The following SZT2 variants were observed in gnomAD, a reference collection of about 807,000 sequenced individuals.
The protein encoded by SZT2 is SZT2 subunit of KICSTOR complex.
Under a neutral mutation model 404.2 loss-of-function variants are expected in SZT2, and 216 were observed. That is an observed-to-expected ratio of 0.53 (90% confidence interval 0.48 to 0.60). The LOEUF is 0.60. Ranked by LOEUF, SZT2 falls within the 20% of genes least tolerant of loss-of-function variation. The pLI is 0.00. For missense variants in SZT2, 3,857 were observed against 4,459.2 expected (o/e 0.86, Z 3.85); for synonymous variants, 1,693 against 1,749.9 (o/e 0.97, Z 0.81).
At chr1:43,390,028 G>A in intron 1 of SZT2, 33 bp downstream of exon 1, 3 of 1,378,304 alleles carry the variant, frequency 2.2e-6, no homozygotes, top group Non-Finnish European at 2.8e-6. Context: ...ACTGGGCCCC[G>A]AGATCCGAGG....
intron 46 of SZT2, 65 bp from the exon 47 acceptor site, chr1:43,438,634 G>A: frequency 6.8e-7 from 1 of 1,471,748 alleles, no homozygotes; most frequent in Non-Finnish European, 9.4e-7. Context: ...GGCATGATAG[G>A]GCTGCTATGG....
At chr1:43,434,606 C>G in intron 41 of SZT2, 121 bp downstream of exon 41, 1 of 907,058 alleles carries the variant, frequency 1.1e-6, no homozygotes, top group Non-Finnish European at 1.7e-6. Flanking sequence ...AAGTTTTTGA[C>G]TTCCCCAGTT....
chr1:43,438,870 AGGACAGTCTAGGCT>A, intron 47 of SZT2, 45 bp from the exon 48 acceptor site: 1 of 1,612,636 alleles, frequency 6.2e-7, no homozygotes, highest in Non-Finnish European at 8.5e-7. Context: ...CACAGGTTCC[AGGACAGTCTAGGCT>A]GGAACTTCTG....
At position 43,442,746 on chromosome 1, in the gene SZT2, G is replaced by A. The variant is rs1353040133; in HGVS notation, c.8152-73G>A. 1.2e-5 allele frequency: 19 copies of A among 1,537,726 alleles called. No homozygotes were observed. The East Asian group carries it at 2.3e-4, about 18-fold the overall frequency. On this transcript the variant is annotated intron_variant, in intron 58 of 71. Coordinates refer to ENST00000634258, the MANE Select transcript of SZT2 (RefSeq NM_001365999.1). The surrounding 1 kb of genome is among the most constrained non-coding windows in gnomAD (Gnocchi z 4.5). The stretch of plus-strand genomic sequence containing the variant: ...GGTAGTGGGGAGGGAGAGTCTGAGA[G>A]AGGAAGCCCTGGGATGAGAGAGAGG...
chr1:43,428,423 TCAG>T lies in SZT2; in HGVS notation c.4112_4114del (p.Ser1371del). 6.8e-6 allele frequency: 11 copies of T among 1,614,146 alleles called. No homozygotes were observed. The highest frequency in any genetic ancestry group is 8.5e-6 in the Non-Finnish European group (10 of 1,180,014). ...CCTGGTCCTCTCAGCCCTGGGCCCT[TCAG>T]CAGCAGCATGGAGGAGGGTGCTGAA... On this transcript the variant is annotated inframe_deletion, in exon 28 of 72. Transcript: ENST00000634258.
rs1484611609 is a variant in SZT2, at chr1:43,432,433, A to G, written c.5436A>G (p.Glu1812=). 3.2e-6 allele frequency: 5 copies of G among 1,549,308 alleles called. No individual in the cohort carries two copies. The highest frequency in any genetic ancestry group is 4.3e-6 in the Non-Finnish European group (5 of 1,149,600). ...ATGAGGACAGGGCTGAAGGCATCGA[A>G]GGGGAGGTGAGTCTCACCTGGGAAT... is the stretch of plus-strand genomic sequence containing the variant. ...HSHEDRAEGI[E]GETLTASPQA... is the part of the protein sequence containing the mutation. The change falls in exon 37 of 72, where the codon GAA becomes GAG. Residue 1812 remains glutamate, a synonymous_variant. Transcript: ENST00000634258.
At position 43,450,548 on chromosome 1, in the gene SZT2, G is replaced by A; in HGVS notation, c.*68G>A. 1.2e-6 allele frequency: 2 copies of A among 1,600,728 alleles called. No individual in the cohort carries two copies. Among genetic ancestry groups the A allele is most frequent in the South Asian group, 1.1e-5 (1 of 89,782 alleles). On this transcript the variant is annotated 3_prime_UTR_variant, in exon 72 of 72. Transcript: ENST00000634258. The surrounding 1 kb of genome is among the most constrained non-coding windows in gnomAD (Gnocchi z 4.3). ...TGGGCCTACCAGATTGCCTGCCAGA[G>A]GCAGGACTGACCAGCCCTTCTGGGC...
At chr1:43,438,859 C>CCACAGGT in intron 47 of SZT2, 42 bp downstream of exon 47, 1 of 1,611,350 alleles carries the variant, frequency 6.2e-7, no homozygotes, top group South Asian at 1.1e-5. Flanking sequence ...CCAGACTCAG[C>CCACAGGT]CACAGGTTCC....
rs200658130 is a variant in SZT2 at position 43,443,585 on chromosome 1, T to C, written c.8626-12T>C. 1 of 1,614,042 alleles carries C rather than the reference T, an allele frequency of 6.2e-7. No individual in the cohort carries two copies. Among genetic ancestry groups the C allele is most frequent in the African/African-American group, 1.3e-5 (1 of 75,044 alleles). ...CAGTGGGGAGAGTCTTCCTTGATCT[T>C]TACTCTCATAGCGGCGCCATCGCCC... On this transcript the variant is annotated splice_polypyrimidine_tract_variant and intron_variant, in intron 61 of 71. Coordinates refer to ENST00000634258, the MANE Select transcript of SZT2 (RefSeq NM_001365999.1).
intron 1 of SZT2, among the ~76,000 whole-genome samples, chr1:43,399,241 T>C (rs1649372931): frequency 6.6e-6 from 1 of 152,226 alleles, no homozygotes; most frequent in African/African-American, 2.4e-5. Flanking sequence ...GAAATACAAC[T>C]AAGTTCACTG....
At chr1:43,395,863 T>C (rs965000556) in intron 1 of SZT2, among the ~76,000 whole-genome samples, 2 of 152,154 alleles carry the variant, frequency 1.3e-5, no homozygotes, top group Non-Finnish European at 2.9e-5. Flanking sequence ...TGGAGTTCGA[T>C]GAGGACATGA....
At chr1:43,433,282 G>A in intron 40 of SZT2, 92 bp downstream of exon 40, 1 of 1,394,236 alleles carries the variant, frequency 7.2e-7, no homozygotes, top group Admixed American at 1.9e-5. Context: ...TTAGAAGTAA[G>A]ACTTGGGACT....
At chr1:43,435,005 A>G (rs1040700891) in intron 41 of SZT2, among the ~76,000 whole-genome samples, 195 bp from the exon 42 acceptor site, 2 of 152,164 alleles carry the variant, frequency 1.3e-5, no homozygotes, top group Non-Finnish European at 2.9e-5. Flanking sequence ...TCTGGCACCA[A>G]AGGGGCAAGT....
chr1:43,432,417 G>C lies in SZT2; in HGVS notation c.5420G>C (p.Arg1807Thr). Residue 1807 changes from arginine to threonine, a missense_variant, in exon 37 of 72, where the codon AGG becomes ACG. This residue lies in a region of SZT2 where 1,725 missense variants were observed against 1,881.0 expected (regional missense o/e 0.92). Coordinates refer to ENST00000634258, the MANE Select transcript of SZT2 (RefSeq NM_001365999.1). ...TGGGCTTGGCACAGTCATGAGGACA[G>C]GGCTGAAGGCATCGAAGGGGAGGTG... ...AAWAWHSHED[R>T]AEGIEGETLT... The C allele has an allele frequency of 6.3e-7, 1 of 1,577,170 alleles. No individual in the cohort carries two copies. Among genetic ancestry groups the C allele is most frequent in the Non-Finnish European group, 8.6e-7 (1 of 1,162,924 alleles).
At chr1:43,390,362 C>T (rs1443246613) in intron 1 of SZT2, among the ~76,000 whole-genome samples, 1 of 152,332 alleles carries the variant, frequency 6.6e-6, no homozygotes, top group Non-Finnish European at 1.5e-5. Context: ...TTTCTTTAGG[C>T]ATTGGAATAC....
chr1:43,451,495 G>A lies in SZT2; in HGVS notation c.*1015G>A, dbSNP rs149176334. 4.1e-5 allele frequency: 66 copies of A among 1,613,970 alleles called. No individual in the cohort carries two copies. In the African/African-American group the frequency reaches 4.5e-4, roughly 11 times the overall value. On this transcript the variant is annotated 3_prime_UTR_variant, in exon 72 of 72. Transcript: ENST00000634258. ...ACAGATAGGGGAAATTCAGCTCTCC[G>A]GGGCTGCTGGGCTCCCCTCGGCCTG...
At chr1:43,411,385 C>T (rs1651025388) in intron 4 of SZT2, among the ~76,000 whole-genome samples, 1 of 152,230 alleles carries the variant, frequency 6.6e-6, no homozygotes, top group Non-Finnish European at 1.5e-5. Context: ...GCCCTCTACC[C>T]ATGGCAGGGG....
At position 43,452,588 on chromosome 1, in the gene SZT2, C is replaced by T; in HGVS notation, c.*2108C>T. On this transcript the variant is annotated 3_prime_UTR_variant, in exon 72 of 72. Coordinates refer to ENST00000634258, the MANE Select transcript of SZT2 (RefSeq NM_001365999.1). ...TCCTTCCCTCGGTCCTTCTCCGCAA[C>T]CTGTAACCTGCTAAATTCTCACCTT... 3.3e-6 allele frequency: 2 copies of T among 602,612 alleles called. No homozygotes were observed. The highest frequency in any genetic ancestry group is 5.5e-5 in the Admixed American group (2 of 36,116). 37.3% of individuals were successfully genotyped at this position (602,612 alleles called of 1,614,324 possible). A position where few individuals can be genotyped will look rare whatever the true frequency, so the allele number is the denominator to read the frequency against.
chr1:43,433,092 A>G lies in SZT2; in HGVS notation c.5706A>G (p.Pro1902=). 6.2e-7 allele frequency: 1 copy of G among 1,614,118 alleles called. No homozygotes were observed. The highest frequency in any genetic ancestry group is 8.5e-7 in the Non-Finnish European group (1 of 1,180,024). ...TLRTPPGPAP[P]QPSLSGLPGP... ...GGACTCCACCTGGGCCAGCACCTCC[A>G]CAGCCTTCACTCTCAGGCCTCCCTG... Residue 1902 remains proline, a synonymous_variant, in exon 40 of 72, where the codon CCA becomes CCG. Coordinates refer to ENST00000634258, the MANE Select transcript of SZT2 (RefSeq NM_001365999.1).
Sources: allele counts gnomAD v4.1 joint callset (sites outside exome capture counted in the v4.1 genomes callset), GRCh38; gene constraint gnomAD v4.1.1; regional missense constraint gnomAD v4.1.1; non-coding constraint Gnocchi (gnomAD v3.1); transcripts MANE v1.5; gene names NCBI Gene and HGNC (gene_info 2026-07-23, HGNC 2026-07-21).